DENND2A: variants seen among roughly 807,000 people sequenced by gnomAD.
DENND2A encodes DENN domain-containing protein 2A.
Under a neutral mutation model 105.3 loss-of-function variants are expected in DENND2A, and 53 were observed. The observed-to-expected ratio is 0.50, with a 90% CI of 0.40 to 0.63. DENND2A has a LOEUF of 0.63. Among genes scored for constraint, DENND2A ranks in the 30% least tolerant of loss-of-function variants. The pLI is 0.00. For synonymous variants in DENND2A, 522 were observed against 508.4 expected (o/e 1.03, Z -0.36); for missense variants, 1,138 against 1,279.6 (o/e 0.89, Z 1.69).
chr7:140,560,373 G>A (rs960445872), intron 9 of DENND2A, among the ~76,000 whole-genome samples: 8 of 152,190 alleles, frequency 5.3e-5, no homozygotes, highest in Non-Finnish European at 7.3e-5. Context: ...AATAAGCCCC[G>A]AGGTGTGAAG....
At chr7:140,557,321 C>T (rs1451776443) in intron 11 of DENND2A, among the ~76,000 whole-genome samples, 1 of 151,026 alleles carries the variant, frequency 6.6e-6, no homozygotes, top group Non-Finnish European at 1.5e-5. Flanking sequence ...AGGAGGATCA[C>T]CTGAGCTGGG....
chr7:140,539,714 G>C (rs527672429), intron 14 of DENND2A, among the ~76,000 whole-genome samples: 1 of 152,244 alleles, frequency 6.6e-6, no homozygotes, highest in Admixed American at 6.5e-5. Flanking sequence ...GAAGGCGCCC[G>C]GCACAGAGGC....
At chr7:140,553,475 C>A (rs10952734) in intron 12 of DENND2A, among the ~76,000 whole-genome samples, 1 of 151,942 alleles carries the variant, frequency 6.6e-6, no homozygotes, top group African/African-American at 2.4e-5. Context: ...GTCTCAACTG[C>A]AAAGAGGCAT....
At chr7:140,641,129 C>A (rs940543679), upstream of DENND2A, among the ~76,000 whole-genome samples, 41 of 152,188 alleles carry the variant, frequency 2.7e-4, no homozygotes, top group Non-Finnish European at 7.4e-5. Flanking sequence ...GCCGCGTGCC[C>A]GGCCCCGCTT....
At chr7:140,555,862 T>G (rs1319702032) in intron 11 of DENND2A, 149 bp from the exon 12 acceptor site, 4 of 563,562 alleles carry the variant, frequency 7.1e-6, no homozygotes, top group Non-Finnish European at 1.2e-5. Flanking sequence ...GTTATCCCAT[T>G]GTGTTTATTA....
chr7:140,527,507 G>T lies in DENND2A; in HGVS notation c.2328-12C>A. The T allele has an allele frequency of 6.3e-7, 1 of 1,589,390 alleles. No individual in the cohort carries two copies. Among genetic ancestry groups the T allele is most frequent in the Non-Finnish European group, 8.6e-7 (1 of 1,165,224 alleles). Reference sequence around the variant, plus strand: ...ACTTGGACAGGATGCTGCAGCCGGGGAGAGAACAGGGAGAGAGGCCGACTC... The same window carrying T: ...ACTTGGACAGGATGCTGCAGCCGGGTAGAGAACAGGGAGAGAGGCCGACTC... On this transcript the variant is annotated splice_polypyrimidine_tract_variant and intron_variant, in intron 14 of 19. Transcript: ENST00000496613. The surrounding 1 kb of genome is among the most constrained non-coding windows in gnomAD (Gnocchi z 4.9).
chr7:140,630,942 C>T (rs1017145368), intron 1 of DENND2A, among the ~76,000 whole-genome samples: 9 of 152,160 alleles, frequency 5.9e-5, no homozygotes, highest in Admixed American at 3.3e-4. Flanking sequence ...TTATTGTTAA[C>T]ACTTTAATGG....
chr7:140,564,480 G>A (rs768348019), intron 9 of DENND2A, among the ~76,000 whole-genome samples: 8 of 151,990 alleles, frequency 5.3e-5, no homozygotes, highest in East Asian at 1.9e-4. Flanking sequence ...AAGAGTACAC[G>A]CAGCACGATA....
At chr7:140,580,971 C>A (rs62485839) in intron 5 of DENND2A, among the ~76,000 whole-genome samples, 1 of 151,150 alleles carries the variant, frequency 6.6e-6, no homozygotes, top group South Asian at 2.1e-4. Context: ...AACATATATT[C>A]AAAAGTATAG....
At chr7:140,551,055 C>T (rs1797114006) in intron 12 of DENND2A, among the ~76,000 whole-genome samples, 1 of 151,586 alleles carries the variant, frequency 6.6e-6, no homozygotes, top group Non-Finnish European at 1.5e-5. Flanking sequence ...AATCCCAGCA[C>T]TTTGGGATGC....
At position 140,602,381 on chromosome 7, in the gene DENND2A, A is replaced by C. The variant is rs750486337; in HGVS notation, c.17T>G (p.Leu6Trp). The C allele has an allele frequency of 6.3e-7, 1 of 1,577,014 alleles. No homozygotes were observed. The highest frequency in any genetic ancestry group is 8.6e-7 in the Non-Finnish European group (1 of 1,165,280). MDMFS[L>W]DMIISDPAAE... is the part of the protein sequence containing the mutation. ...AGCTGGGTCACTGATGATCATATCCAAGCTGAACATATCCATTCTTGACTC... is the reference window on the plus strand; with the variant it reads ...AGCTGGGTCACTGATGATCATATCCCAGCTGAACATATCCATTCTTGACTC... The change falls in exon 3 of 20, where the codon TTG becomes TGG. Residue 6 changes from leucine (L) to tryptophan (W), a missense_variant. Physicochemically the swap from Leu to Trp is moderately conservative, Grantham distance 61. This residue lies in a region of DENND2A where 511 missense variants were observed against 499.9 expected (regional missense o/e 1.02). Coordinates refer to ENST00000496613, the MANE Select transcript of DENND2A (RefSeq NM_015689.5).
intron 3 of DENND2A, among the ~76,000 whole-genome samples, chr7:140,592,862 C>T (rs1799120471): frequency 6.6e-6 from 1 of 152,092 alleles, no homozygotes; most frequent in Admixed American, 6.5e-5. Flanking sequence ...CTCAGCCCCC[C>T]AAAGTGCTGG....
intron 12 of DENND2A, among the ~76,000 whole-genome samples, chr7:140,555,413 A>C (rs945754614): frequency 1.3e-5 from 2 of 152,042 alleles, no homozygotes; most frequent in African/African-American, 4.8e-5. Flanking sequence ...TGCTGGGATT[A>C]CAGGCATGAG....
intron 1 of DENND2A, among the ~76,000 whole-genome samples, chr7:140,620,686 C>T (rs528052644): frequency 5.9e-5 from 9 of 152,190 alleles, no homozygotes; most frequent in Non-Finnish European, 1.2e-4. Flanking sequence ...TGCAGGGCAT[C>T]CAGCTCAGGT....
chr7:140,631,890 C>T (rs1264629483), intron 1 of DENND2A, among the ~76,000 whole-genome samples: 1 of 152,144 alleles, frequency 6.6e-6, no homozygotes, highest in Admixed American at 6.6e-5. Context: ...TTTCTATCTT[C>T]GCGGTCACCA....
At chr7:140,592,388 T>A (rs1359470640) in intron 3 of DENND2A, among the ~76,000 whole-genome samples, 1 of 150,710 alleles carries the variant, frequency 6.6e-6, no homozygotes, top group African/African-American at 2.4e-5. Context: ...TAAAATTTTA[T>A]TTTTAGTAGA....
Position 140,523,311 on chromosome 7 carries a change from C to A in DENND2A, c.2661G>T (p.Arg887Ser), listed in dbSNP as rs1467108506. The A allele has an allele frequency of 1.9e-6, 3 of 1,614,146 alleles. No homozygotes were observed. The highest frequency in any genetic ancestry group is 2.5e-6 in the Non-Finnish European group (3 of 1,180,002). The change falls in exon 17 of 20, where the codon AGG becomes AGT. Residue 887 changes from arginine to serine, a missense_variant. Coordinates refer to ENST00000496613, the MANE Select transcript of DENND2A (RefSeq NM_015689.5). This position sits in a 1 kb window ranked among gnomAD's most constrained non-coding sequence, Gnocchi z 4.5. ...CEQDEGPLDG[R>S]HGPESSPLNE... Reference sequence around the variant, plus strand: ...GGGAGGTGGCTGAACACTTACCGTGCCTGCCGTCTAGGGGCCCTTCGTCCT... The same window carrying A: ...GGGAGGTGGCTGAACACTTACCGTGACTGCCGTCTAGGGGCCCTTCGTCCT...
intron 5 of DENND2A, among the ~76,000 whole-genome samples, chr7:140,585,143 C>A (rs913751010): frequency 6.6e-5 from 10 of 152,106 alleles, no homozygotes; most frequent in African/African-American, 2.2e-4. Flanking sequence ...GGCTGCAGTG[C>A]GCCGTGATTG....
At chr7:140,563,676 TAA>T (rs139848094) in intron 9 of DENND2A, among the ~76,000 whole-genome samples, 504 of 29,186 alleles carry the variant, frequency 0.017, 3 homozygotes, top group African/African-American at 0.029. Flanking sequence ...ACCATTGCAT[TAA>T]AAAAAAAAAA....
Sources: allele counts gnomAD v4.1 joint callset (sites outside exome capture counted in the v4.1 genomes callset), GRCh38; gene constraint gnomAD v4.1.1; regional missense constraint gnomAD v4.1.1; non-coding constraint Gnocchi (gnomAD v3.1); transcripts MANE v1.5; gene names NCBI Gene and HGNC (gene_info 2026-07-23, HGNC 2026-07-21).